Variants in FXYD1 observed in about 807,000 individuals in gnomAD.
FXYD1 encodes the protein FXYD domain containing ion transport regulator 1, also known as phospholemman.
A neutral mutation model predicts 17.2 loss-of-function variants in FXYD1; 9 were observed. The observed-to-expected ratio is 0.52, with a 90% CI of 0.32 to 0.91. The LOEUF is 0.91. FXYD1 is among the 40% of genes least tolerant of loss of function. The pLI, the probability that FXYD1 is intolerant of heterozygous loss-of-function variation, is 0.04. For missense variants in FXYD1, 113 were observed against 120.6 expected, an observed-to-expected ratio of 0.94 and a Z score of 0.29; for synonymous variants, 55 against 45.8, an observed-to-expected ratio of 1.20 and a Z score of -0.81.
At chr19:35,141,673 C>A in intron 5 of FXYD1, 101 bp downstream of exon 5, 2 of 965,390 alleles carry the variant, frequency 2.1e-6, no homozygotes, top group Admixed American at 2.3e-5. Context: ...TCCCCGTCAG[C>A]GACTATGTAT....
chr19:35,142,876 T>C, intron 7 of FXYD1, 41 bp from the exon 8 acceptor site: 1 of 812,286 alleles, frequency 1.2e-6, no homozygotes, highest in Non-Finnish European at 2.1e-6. Flanking sequence ...GGGGTGGGGC[T>C]GGACGTCCCC....
chr19:35,141,608 C>T lies in FXYD1; in HGVS notation c.206+36C>T, dbSNP rs377764763. 247 of 1,583,388 alleles carry T rather than the reference C, an allele frequency of 1.6e-4. 1 individual carries two copies. Among genetic ancestry groups the T allele is most frequent in the Admixed American group, 7.3e-4 (43 of 58,804 alleles). On this transcript the variant is annotated intron_variant, in intron 5 of 7. Coordinates refer to ENST00000351325, the MANE Select transcript of FXYD1 (RefSeq NM_021902.4). ...CCTCCCCGCCCTCCTTCGCCCGCTC[C>T]TGCTCTGGAGGGCGCCGCGGGTGAG...
At chr19:35,137,605 G>A (rs905546454), upstream of FXYD1, 1 of 152,492 alleles carries the variant, frequency 6.6e-6, no homozygotes, top group Non-Finnish European at 1.5e-5. Context: ...CTGGCTGCAT[G>A]TCTGTACCTT....
At chr19:35,139,170 A>T (rs1311739376) in intron 1 of FXYD1, 1 of 152,176 alleles carries the variant, frequency 6.6e-6, no homozygotes, top group Non-Finnish European at 1.5e-5. Context: ...CCAGAGGAGG[A>T]GTATTGGATG....
rs2065271845 is a variant in FXYD1 at position 35,142,996 on chromosome 19, C to A, written c.*109C>A. The A allele has an allele frequency of 2.9e-5, 17 of 579,886 alleles. No homozygotes were observed. The South Asian group carries it at 3.1e-4, about 10-fold the overall frequency. The allele number at this position is 579,886 out of a possible 1,614,324, so 35.9% of individuals were successfully genotyped here. On this transcript the variant is annotated 3_prime_UTR_variant, in exon 8 of 8. Transcript: ENST00000351325. ...TCCGCCGCCCCTTCCCCAGCCCTGC[C>A]CCCGCAGACTCCCCCTGCCGCCAAG...
chr19:35,141,634 G>A, intron 5 of FXYD1, 62 bp downstream of exon 5: 1 of 1,381,712 alleles, frequency 7.2e-7, no homozygotes, highest in Non-Finnish European at 1.0e-6. Context: ...CGCGGGTGAG[G>A]CGGGGAGTAC....
chr19:35,142,861 G>A lies in FXYD1; in HGVS notation c.*30-56G>A, dbSNP rs1600488831. On this transcript the variant is annotated intron_variant, in intron 7 of 7. Transcript: ENST00000351325. ...GGGCCAAGTGCCAGAGTTGAAGGGC[G>A]GCGAGGGGTGGGGCTGGACGTCCCC... 4 of 956,514 alleles carry A rather than the reference G, an allele frequency of 4.2e-6. No homozygotes were observed. In the Admixed American group the frequency reaches 6.0e-5, roughly 14 times the overall value. 59.3% of individuals were successfully genotyped at this position (956,514 alleles called of 1,614,324 possible).
chr19:35,142,853 T>G lies in FXYD1; in HGVS notation c.*30-64T>G, dbSNP rs1424257453. Reference sequence around the variant, plus strand: ...GAGGGAGGGGGCCAAGTGCCAGAGTTGAAGGGCGGCGAGGGGTGGGGCTGG... The same window carrying G: ...GAGGGAGGGGGCCAAGTGCCAGAGTGGAAGGGCGGCGAGGGGTGGGGCTGG... On this transcript the variant is annotated intron_variant, in intron 7 of 7. Transcript: ENST00000351325. 1.3e-5 allele frequency: 14 copies of G among 1,069,006 alleles called. No homozygotes were observed. The East Asian group carries it at 3.3e-4, about 25-fold the overall frequency. The allele number at this position is 1,069,006 out of a possible 1,614,324, so 66.2% of individuals were successfully genotyped here.
chr19:35,141,287 C>G (rs2065251115), intron 4 of FXYD1, 81 bp downstream of exon 4: 6 of 332,106 alleles, frequency 1.8e-5, no homozygotes, highest in Non-Finnish European at 2.9e-5. Flanking sequence ...CCTGGCCCCG[C>G]CTCTCCCTAG....
At chr19:35,140,652 A>C (rs2065242989) in intron 3 of FXYD1, 23 bp downstream of exon 3, 3 of 1,609,874 alleles carry the variant, frequency 1.9e-6, no homozygotes, top group Non-Finnish European at 8.5e-7. Flanking sequence ...TCTAATTTTG[A>C]GTCCTGGGGG....
At chr19:35,141,879 T>C (rs2065260085) in intron 5 of FXYD1, among the ~76,000 whole-genome samples, 1 of 152,250 alleles carries the variant, frequency 6.6e-6, no homozygotes, top group African/African-American at 2.4e-5. Flanking sequence ...AATGAGATCA[T>C]CTCACACGCG....
At chr19:35,139,689 A>G (rs1020776777) in intron 1 of FXYD1, 1 of 196,982 alleles carries the variant, frequency 5.1e-6, no homozygotes, top group South Asian at 9.3e-5. Context: ...CCGGGCATGT[A>G]GGCAGGTGGG....
intron 3 of FXYD1, 78 bp downstream of exon 3, chr19:35,140,707 C>T: frequency 1.7e-6 from 2 of 1,175,754 alleles, no homozygotes; most frequent in Non-Finnish European, 1.3e-6. Context: ...CGCCCTCCCC[C>T]AGAGTCCCAG....
chr19:35,140,747 C>G, intron 3 of FXYD1, 118 bp downstream of exon 3: 1 of 795,844 alleles, frequency 1.3e-6, no homozygotes. Context: ...CTCCTTCCCT[C>G]TATTTTGTCC....
At chr19:35,141,263 TGGCCCCGCC>T in intron 4 of FXYD1, 57 bp downstream of exon 4, 1 of 351,144 alleles carries the variant, frequency 2.8e-6, no homozygotes, top group South Asian at 6.6e-5. Context: ...CACCTCTCTC[TGGCCCCGCC>T]TCTCCCTGGC....
Position 35,142,731 on chromosome 19 carries a change from C to G in FXYD1, c.268C>G (p.Arg90Gly), listed in dbSNP as rs61753924. ...CGTGTTCCCCCCAGGTCTGTCCACC[C>G]GCAGGCGGTAGAAACACCTGGAGCG... is the stretch of plus-strand genomic sequence containing the variant. ...FRSSIRRLSTRRR is the reference protein window; with the variant it reads ...FRSSIRRLSTGRR The change falls in exon 7 of 8, where the codon CGC (arginine) becomes GGC (glycine). Residue 90 changes from arginine to glycine, a missense_variant. Physicochemically the swap from Arg to Gly is moderately radical, Grantham distance 125. Transcript: ENST00000351325. 6.2e-7 allele frequency: 1 copy of G among 1,613,604 alleles called. No individual in the cohort carries two copies.
rs950508192 is a variant in FXYD1 at position 35,143,016 on chromosome 19, G to T, written c.*129G>T. On this transcript the variant is annotated 3_prime_UTR_variant, in exon 8 of 8. Transcript: ENST00000351325. This position sits in a 1 kb window ranked among gnomAD's most constrained non-coding sequence, Gnocchi z 4.3. The stretch of plus-strand genomic sequence containing the variant: ...CCTGCCCCCGCAGACTCCCCCTGCC[G>T]CCAAGACTTCCAATAAAACGTGCGT... The T allele has an allele frequency of 6.3e-6, 3 of 478,662 alleles. No homozygotes were observed. Among genetic ancestry groups the T allele is most frequent in the Non-Finnish European group, 1.1e-5 (3 of 268,236 alleles). The allele number at this position is 478,662 out of a possible 1,614,324, so 29.7% of individuals were successfully genotyped here.
intron 6 of FXYD1, 45 bp from the exon 7 acceptor site, chr19:35,142,675 G>A (rs761938361): frequency 2.9e-5 from 47 of 1,608,452 alleles, no homozygotes; most frequent in Non-Finnish European, 4.0e-5. Context: ...CCAGGAGCTG[G>A]GGATGCCTCT....
intron 1 of FXYD1, chr19:35,139,642 A>G: frequency 5.9e-6 from 1 of 170,400 alleles, no homozygotes; most frequent in Non-Finnish European, 1.3e-5. Flanking sequence ...GCGGGCGGAG[A>G]GGGCAGGGAG....
Sources: gnomAD v4.1 joint callset for allele counts (sites outside exome capture counted in the v4.1 genomes callset) on GRCh38, gnomAD v4.1.1 for gene constraint, Gnocchi (gnomAD v3.1) non-coding constraint, MANE v1.5 for transcripts, NCBI Gene and HGNC (gene_info 2026-07-23, HGNC 2026-07-21) for gene names.